NIT2: variants seen among roughly 807,000 people sequenced by gnomAD.
The protein encoded by NIT2 is omega-amidase NIT2.
In NIT2, 46 loss-of-function variants were observed where a neutral mutation model predicts 42.7. That is an observed-to-expected ratio of 1.08 (90% CI 0.85 to 1.38). NIT2 has a LOEUF of 1.38. NIT2 is among the 40% of genes most tolerant of loss of function. NIT2 has a pLI of 0.00. For synonymous variants in NIT2, 123 were observed against 121.9 expected, an observed-to-expected ratio of 1.01 and a Z score of -0.06; for missense variants, 309 against 342.5, an observed-to-expected ratio of 0.90 and a Z score of 0.77.
chr3:100,353,736 T>G (rs1457479632), intron 8 of NIT2, among the ~76,000 whole-genome samples: 2 of 152,058 alleles, frequency 1.3e-5, no homozygotes, highest in East Asian at 3.8e-4. Flanking sequence ...GAACCCTTGC[T>G]CTGGGCCAAG....
rs925360528 is a variant in NIT2, at chr3:100,360,831, A to G, written c.*5563A>G. ...ATATAATGACAGCTTTGGAAGGTAG[A>G]GACTATCTTCCTCTGGATCATAGGA... On this transcript the variant is annotated 3_prime_UTR_variant, in exon 10 of 10. Coordinates refer to ENST00000394140, the MANE Select transcript of NIT2 (RefSeq NM_020202.5). 6.6e-6 allele frequency: 1 copy of G among 152,234 alleles called. No homozygotes were observed. Among genetic ancestry groups the G allele is most frequent in the African/African-American group, 2.4e-5 (1 of 41,458 alleles). The allele number at this position is 152,234 out of a possible 1,614,324, so 9.4% of individuals were successfully genotyped here.
chr3:100,337,220 A>G (rs1472093682), intron 1 of NIT2, among the ~76,000 whole-genome samples: 2 of 152,218 alleles, frequency 1.3e-5, no homozygotes, highest in Non-Finnish European at 2.9e-5. Flanking sequence ...ACAGAACAAA[A>G]TGGAGTCTCC....
rs1409072551 is a variant in NIT2 at position 100,351,159 on chromosome 3, A to G, written c.585-1245A>G. Among the ~76,000 whole-genome samples the G allele has an allele frequency of 4.6e-5, 7 of 152,314 alleles. No homozygotes were observed. In the East Asian group the frequency reaches 9.6e-4, roughly 21 times the overall value. ...CTTTGTTATTGTGAATAGTGCTGCA[A>G]TAAACATATGTGTGCATGTGTCTTT... On this transcript the variant is annotated intron_variant, in intron 7 of 9. Transcript: ENST00000394140.
intron 4 of NIT2, 124 bp downstream of exon 4, chr3:100,341,285 T>A: frequency 1.5e-6 from 1 of 662,782 alleles, no homozygotes; most frequent in Non-Finnish European, 2.7e-6. Context: ...GGGTTTTGAC[T>A]GATTGGCACA....
chr3:100,351,951 C>T (rs1360223492), intron 7 of NIT2, among the ~76,000 whole-genome samples: 1 of 152,136 alleles, frequency 6.6e-6, no homozygotes, highest in East Asian at 1.9e-4. Flanking sequence ...GGGCGAAGGA[C>T]ATGAACAGAC....
intron 5 of NIT2, chr3:100,345,916 A>G (rs1706212125): frequency 1.7e-6 from 1 of 595,400 alleles, no homozygotes; most frequent in Non-Finnish European, 3.0e-6. Context: ...GAGTATACCT[A>G]TTAGGCTACA....
intron 7 of NIT2, chr3:100,349,307 C>T (rs538942421): frequency 2.6e-5 from 4 of 154,706 alleles, no homozygotes; most frequent in African/African-American, 7.2e-5. Context: ...GAGATAGAGC[C>T]TCACTCTGTT....
intron 1 of NIT2, among the ~76,000 whole-genome samples, chr3:100,335,331 C>T (rs568090818): frequency 6.6e-6 from 1 of 152,328 alleles, no homozygotes; most frequent in South Asian, 2.1e-4. Context: ...GTTAATGATA[C>T]CTCACACAAT....
chr3:100,345,956 A>G (rs1434650857), intron 5 of NIT2: 1 of 597,090 alleles, frequency 1.7e-6, no homozygotes, highest in African/African-American at 1.9e-5. Flanking sequence ...GATAATAAGC[A>G]TTCAATTAGA....
At chr3:100,338,791 C>A (rs757213571) in intron 1 of NIT2, among the ~76,000 whole-genome samples, 5 of 152,154 alleles carry the variant, frequency 3.3e-5, no homozygotes, top group African/African-American at 1.2e-4. Context: ...GGACTTTGCC[C>A]ATGGATATTG....
chr3:100,337,810 C>T (rs1253672870), intron 1 of NIT2, among the ~76,000 whole-genome samples: 3 of 152,134 alleles, frequency 2.0e-5, no homozygotes, highest in Admixed American at 6.5e-5. Context: ...TGCTTATAAT[C>T]GCAGCAGTTT....
chr3:100,351,417 C>G (rs1384501431), intron 7 of NIT2, among the ~76,000 whole-genome samples: 1 of 152,060 alleles, frequency 6.6e-6, no homozygotes, highest in African/African-American at 2.4e-5. Flanking sequence ...AGATATAGAT[C>G]AATGGAACAG....
chr3:100,336,072 G>T (rs567503602), intron 1 of NIT2, among the ~76,000 whole-genome samples: 1 of 152,258 alleles, frequency 6.6e-6, no homozygotes, highest in South Asian at 2.1e-4. Context: ...TATTTAGCAG[G>T]CTGCCTTCAG....
chr3:100,350,326 G>A (rs577172675), intron 7 of NIT2, among the ~76,000 whole-genome samples: 4 of 152,300 alleles, frequency 2.6e-5, no homozygotes, highest in Non-Finnish European at 4.4e-5. Flanking sequence ...CGAGGGCTCC[G>A]AGGTGAGGTG....
chr3:100,341,218 G>GA, intron 4 of NIT2, 57 bp downstream of exon 4: 42 of 1,341,624 alleles, frequency 3.1e-5, no homozygotes, highest in Non-Finnish European at 3.5e-5. Context: ...ACAATGTGTG[G>GA]AAAAAAAATT....
Position 100,355,222 on chromosome 3 carries a change from G to C in NIT2, c.785G>C (p.Arg262Thr). The C allele has an allele frequency of 1.2e-6, 2 of 1,614,108 alleles. No individual in the cohort carries two copies. Among genetic ancestry groups the C allele is most frequent in the Middle Eastern group, 1.7e-4 (1 of 6,060 alleles). The stretch of plus-strand genomic sequence containing the variant: ...ATACGCCAGCAAATCCCCGTTTTTA[G>C]ACAGAAGCGATCAGACCTCTATGCT... ...AEIRQQIPVF[R>T]QKRSDLYAVE... Residue 262 changes from arginine (R) to threonine (T), a missense_variant, in exon 10 of 10, where the codon AGA becomes ACA. Transcript: ENST00000394140.
At chr3:100,339,769 G>A in intron 2 of NIT2, 46 bp from the exon 3 acceptor site, 1 of 1,578,610 alleles carries the variant, frequency 6.3e-7, no homozygotes, top group Non-Finnish European at 8.6e-7. Context: ...ACTTTAAAAT[G>A]GGTGGGTGTT....
chr3:100,345,312 G>C (rs1388445241), intron 4 of NIT2, among the ~76,000 whole-genome samples: 1 of 152,152 alleles, frequency 6.6e-6, no homozygotes, highest in East Asian at 1.9e-4. Context: ...CAACATATTA[G>C]TTACCTCCCA....
rs1321390153 is a variant in NIT2, at chr3:100,354,773, G to T, written c.685G>T (p.Gly229Trp). The change falls in exon 9 of 10, where the codon GGG becomes TGG. Residue 229 changes from glycine to tryptophan, a missense_variant and splice_region_variant. By Grantham distance (184) the Gly-to-Trp change is radical. Coordinates refer to ENST00000394140, the MANE Select transcript of NIT2 (RefSeq NM_020202.5). ...CATTCTCTTCTGCATCTTTTTCAGG[G>T]GGGAGGTTCTAGCCAAAGCTGGCAC... The part of the protein sequence containing the change: ...WGHSTVVNPW[G>W]EVLAKAGTEE... 3 of 1,607,096 alleles carry T rather than the reference G, an allele frequency of 1.9e-6. No homozygotes were observed. Among genetic ancestry groups the T allele is most frequent in the East Asian group, 4.5e-5 (2 of 44,742 alleles).
Sources: gnomAD v4.1 joint callset for allele counts (sites outside exome capture counted in the v4.1 genomes callset) on GRCh38, gnomAD v4.1.1 for gene constraint, MANE v1.5 for transcripts, NCBI Gene and HGNC (gene_info 2026-07-23, HGNC 2026-07-21) for gene names.